Variants in NEGR1 observed in about 807,000 individuals in gnomAD.
NEGR1 encodes IgLON family member 4.
A neutral mutation model predicts 40.9 loss-of-function variants in NEGR1; 10 were observed. That is an observed-to-expected ratio of 0.24 (90% CI 0.15 to 0.42). NEGR1 has a LOEUF of 0.42. Among genes scored for constraint, NEGR1 ranks in the 10% least tolerant of loss-of-function variants. NEGR1 has a pLI of 1.00. For missense variants in NEGR1, 352 were observed against 438.9 expected (o/e 0.80, Z 1.77); for synonymous variants, 185 against 166.8 (o/e 1.11, Z -0.84).
rs114049740 is a variant in NEGR1, at chr1:71,681,574, G to A, written c.667+16434C>T. Reference sequence around the variant, plus strand: ...AATTCAGTATGATGTATATTTGTGCGTATCTTTTTATTTTTAATCCTGGTT... The same window carrying A: ...AATTCAGTATGATGTATATTTGTGCATATCTTTTTATTTTTAATCCTGGTT... On this transcript the variant is annotated intron_variant, in intron 4 of 6. Transcript: ENST00000357731. 8.3e-3 allele frequency among the ~76,000 whole-genome samples: 1,260 copies of A among 152,084 alleles called. 9 individuals are homozygous for A. Among genetic ancestry groups the A allele is most frequent in the Admixed American group, 0.013 (193 of 15,264 alleles).
At chr1:71,544,017 G>A (rs759110665) in intron 6 of NEGR1, among the ~76,000 whole-genome samples, 6 of 151,514 alleles carry the variant, frequency 4.0e-5, no homozygotes, top group Non-Finnish European at 7.4e-5. Flanking sequence ...CTGTTTATGA[G>A]GAAGATGTAT....
chr1:72,108,143 A>C (rs1649208371), intron 1 of NEGR1, among the ~76,000 whole-genome samples: 1 of 151,666 alleles, frequency 6.6e-6, no homozygotes, highest in Admixed American at 6.6e-5. Flanking sequence ...CATTACAAAT[A>C]ATATTTTTAA....
At chr1:72,238,795 G>A (rs1654642849) in intron 1 of NEGR1, among the ~76,000 whole-genome samples, 1 of 151,846 alleles carries the variant, frequency 6.6e-6, no homozygotes, top group African/African-American at 2.4e-5. Flanking sequence ...AAGATACTTG[G>A]TTTCCCAAAA....
Position 71,790,501 on chromosome 1 carries a change from G to A in NEGR1, c.410-14204C>T, listed in dbSNP as rs537083887. Among the ~76,000 whole-genome samples the A allele has an allele frequency of 9.2e-5, 14 of 152,086 alleles. No individual in the cohort carries two copies. The South Asian group carries it at 2.1e-3, about 23-fold the overall frequency. On this transcript the variant is annotated intron_variant, in intron 2 of 6. Coordinates refer to ENST00000357731, the MANE Select transcript of NEGR1 (RefSeq NM_173808.3). ...AGTACTACGTTAGGACACTGATGAC[G>A]GAACCAGGAGTGTTTACATAAATAT... is the stretch of plus-strand genomic sequence containing the variant.
intron 2 of NEGR1, among the ~76,000 whole-genome samples, chr1:71,901,665 AAT>A (rs1491194314): frequency 2.8e-5 from 4 of 141,324 alleles, no homozygotes; most frequent in African/African-American, 5.5e-5. Context: ...ATGAGATATA[AAT>A]TTTTTTTTTT....
At chr1:72,123,144 A>C (rs1435697718) in intron 1 of NEGR1, among the ~76,000 whole-genome samples, 1 of 151,904 alleles carries the variant, frequency 6.6e-6, no homozygotes, top group African/African-American at 2.4e-5. Flanking sequence ...AGACCCTCAG[A>C]TCTTCTATTT....
At chr1:71,446,350 A>G (rs1027912026) in intron 6 of NEGR1, among the ~76,000 whole-genome samples, 58 of 152,292 alleles carry the variant, frequency 3.8e-4, no homozygotes, top group African/African-American at 1.2e-3. Context: ...TTGTTTTAGA[A>G]GAGAGAAAAA....
intron 6 of NEGR1, among the ~76,000 whole-genome samples, chr1:71,474,866 A>G (rs1646810203): frequency 6.6e-6 from 1 of 152,128 alleles, no homozygotes. Flanking sequence ...CTCAAACGTA[A>G]GATAAACCAC....
chr1:71,932,177 T>C (rs1163093410), intron 2 of NEGR1, among the ~76,000 whole-genome samples: 1 of 152,092 alleles, frequency 6.6e-6, no homozygotes, highest in African/African-American at 2.4e-5. Flanking sequence ...ATGTAAACAT[T>C]AGTTTGCATG....
At chr1:71,823,082 A>T (rs1658492769) in intron 2 of NEGR1, among the ~76,000 whole-genome samples, 1 of 151,902 alleles carries the variant, frequency 6.6e-6, no homozygotes, top group South Asian at 2.1e-4. Context: ...TTCCTAATGT[A>T]CCTCTATGTA....
At chr1:71,501,975 TAAAC>T (rs930676715) in intron 6 of NEGR1, among the ~76,000 whole-genome samples, 1 of 152,130 alleles carries the variant, frequency 6.6e-6, no homozygotes, top group Admixed American at 6.5e-5. Flanking sequence ...TACGTTGAAA[TAAAC>T]AAGGAGGAAA....
At chr1:71,648,271 A>C (rs777426313) in intron 4 of NEGR1, among the ~76,000 whole-genome samples, 18 of 152,028 alleles carry the variant, frequency 1.2e-4, no homozygotes, top group Admixed American at 6.6e-5. Context: ...TCAGCTATTT[A>C]AAGGTATATA....
At chr1:71,876,532 G>A (rs1422761640) in intron 2 of NEGR1, among the ~76,000 whole-genome samples, 1 of 150,978 alleles carries the variant, frequency 6.6e-6, no homozygotes, top group African/African-American at 2.4e-5. Flanking sequence ...AGAAGAGAGA[G>A]AGAGAGGAGA....
chr1:71,493,806 T>C lies in NEGR1; in HGVS notation c.941-86236A>G, dbSNP rs539989527. ...AAACAAAACTTCTCTCCCTGAGTTC[T>C]ACCTGACTTTAAAAGCCATCCAGAA... On this transcript the variant is annotated intron_variant, in intron 6 of 6. Transcript: ENST00000357731. Among the ~76,000 whole-genome samples, 6 of 152,356 alleles carry C rather than the reference T, an allele frequency of 3.9e-5. No homozygotes were observed. The East Asian group carries it at 9.6e-4, about 25-fold the overall frequency.
At chr1:71,992,943 T>C (rs1570587592) in intron 1 of NEGR1, among the ~76,000 whole-genome samples, 1 of 152,280 alleles carries the variant, frequency 6.6e-6, no homozygotes. Context: ...ACTAAGGAAA[T>C]ATGGGTTTTC....
chr1:71,471,491 C>A (rs1199042808), intron 6 of NEGR1, among the ~76,000 whole-genome samples: 1 of 151,896 alleles, frequency 6.6e-6, no homozygotes, highest in African/African-American at 2.4e-5. Flanking sequence ...ACTAAAAATA[C>A]AAAAATCAGC....
intron 4 of NEGR1, among the ~76,000 whole-genome samples, chr1:71,681,007 C>A (rs543356152): frequency 6.6e-6 from 1 of 152,150 alleles, no homozygotes; most frequent in Non-Finnish European, 1.5e-5. Context: ...GGCTGTGGGT[C>A]CAGGTGACTC....
At chr1:71,459,214 T>C (rs1259506555) in intron 6 of NEGR1, among the ~76,000 whole-genome samples, 2 of 152,190 alleles carry the variant, frequency 1.3e-5, no homozygotes, top group Non-Finnish European at 2.9e-5. Context: ...AACTTAACTT[T>C]AAAAGAACAG....
chr1:71,410,619 C>G (rs927394473), intron 6 of NEGR1, among the ~76,000 whole-genome samples: 1 of 152,100 alleles, frequency 6.6e-6, no homozygotes, highest in Non-Finnish European at 1.5e-5. Context: ...GATATACATA[C>G]TTTAGTACAC....
Sources: gnomAD v4.1 joint callset for allele counts (sites outside exome capture counted in the v4.1 genomes callset) on GRCh38, gnomAD v4.1.1 for gene constraint, MANE v1.5 for transcripts, NCBI Gene and HGNC (gene_info 2026-07-23, HGNC 2026-07-21) for gene names.